Variants in MAF observed in about 807,000 individuals in gnomAD.
The protein encoded by MAF is MAF bZIP transcription factor, also known as transcription factor Maf.
Under a neutral mutation model 22.0 loss-of-function variants are expected in MAF, and 10 were observed. The ratio of observed to expected loss-of-function variants is 0.45; its 90% CI spans 0.28 to 0.77. The LOEUF (loss-of-function observed/expected upper bound fraction) is 0.77, where lower values mean the gene tolerates loss of function less well. MAF is among the 30% of genes least tolerant of loss of function. The pLI is 0.12. For synonymous variants in MAF, 337 were observed against 255.8 expected (o/e 1.32, Z -3.03); for missense variants, 544 against 548.4 (o/e 0.99, Z 0.08).
At chr16:79,341,246 G>T in the MAF span, among the ~76,000 whole-genome samples, 1 of 152,206 alleles carries the variant, frequency 6.6e-6, no homozygotes, top group Non-Finnish European at 1.5e-5. Flanking sequence ...AGGTGCTGGA[G>T]CCAGATGCCC....
chr16:79,351,838 T>C, the MAF span, among the ~76,000 whole-genome samples: 2 of 152,150 alleles, frequency 1.3e-5, no homozygotes, highest in Admixed American at 6.5e-5. Context: ...CTGGGAAATG[T>C]GGCAGCTTCA....
rs775799498 is a variant in MAF, at chr16:79,598,793, C to T, written c.1110G>A (p.Glu370=). 1 of 1,613,836 alleles carries T rather than the reference C, an allele frequency of 6.2e-7. No homozygotes were observed. Among genetic ancestry groups the T allele is most frequent in the Non-Finnish European group, 8.5e-7 (1 of 1,179,994 alleles). ...GSSSDNPSSP[E]FFITEPTRKL... is the part of the protein sequence containing the mutation. ...TCGCGTGTCAGACTCACATGAAAAA[C>T]TCGGGAGAGGACGGGTTGTCGCTGC... The change falls in exon 1 of 2, where the codon GAG becomes GAA. Residue 370 remains glutamate, a synonymous_variant. Transcript: ENST00000326043.
chr16:79,563,373 T>A, the MAF span, among the ~76,000 whole-genome samples: 1 of 152,144 alleles, frequency 6.6e-6, no homozygotes, highest in Non-Finnish European at 1.5e-5. Context: ...ATTTAAAAAC[T>A]GAAGCAGTGA....
chr16:79,398,173 C>G, the MAF span, among the ~76,000 whole-genome samples: 1 of 152,088 alleles, frequency 6.6e-6, no homozygotes, highest in South Asian at 2.1e-4. Flanking sequence ...CAAATCACTC[C>G]AACCTCTGCT....
chr16:79,540,718 G>T, the MAF span, among the ~76,000 whole-genome samples: 1 of 152,194 alleles, frequency 6.6e-6, no homozygotes, highest in African/African-American at 2.4e-5. Context: ...ATTTTGCGTG[G>T]CACAGGCTGG....
At chr16:79,206,816 C>T in the MAF span, 3 of 151,474 alleles carry the variant, frequency 2.0e-5, no homozygotes, top group Non-Finnish European at 4.4e-5. Context: ...CCAGGGAGGC[C>T]TATGAGCCTC....
chr16:79,526,205 G>A, the MAF span, among the ~76,000 whole-genome samples: 2 of 152,152 alleles, frequency 1.3e-5, no homozygotes, highest in African/African-American at 4.8e-5. Context: ...CGGTTTTGTG[G>A]AAGACAATTT....
chr16:79,577,809 G>T, the MAF span, among the ~76,000 whole-genome samples: 1 of 152,162 alleles, frequency 6.6e-6, no homozygotes, highest in African/African-American at 2.4e-5. Flanking sequence ...ATGGTGCAAT[G>T]CCCCAAAAAT....
chr16:79,351,777 C>T, the MAF span, among the ~76,000 whole-genome samples: 2 of 152,056 alleles, frequency 1.3e-5, no homozygotes, highest in Non-Finnish European at 2.9e-5. Flanking sequence ...AAGTGTCGGG[C>T]AGAAGCCTGG....
the MAF span, among the ~76,000 whole-genome samples, chr16:79,241,918 C>G: frequency 1.3e-5 from 2 of 151,942 alleles, no homozygotes; most frequent in Non-Finnish European, 2.9e-5. Context: ...AATTTTCAAC[C>G]CAGAATTTCA....
At chr16:79,562,664 G>T in the MAF span, among the ~76,000 whole-genome samples, 4 of 152,120 alleles carry the variant, frequency 2.6e-5, no homozygotes, top group Non-Finnish European at 5.9e-5. Flanking sequence ...GAAGTGCCAA[G>T]ATCTCTCTAA....
chr16:79,361,989 C>T, the MAF span, among the ~76,000 whole-genome samples: 3 of 152,232 alleles, frequency 2.0e-5, no homozygotes, highest in South Asian at 2.1e-4. Flanking sequence ...AGACAGAGAT[C>T]GTTAACCCCA....
the MAF span, among the ~76,000 whole-genome samples, chr16:79,397,778 C>A: frequency 6.6e-6 from 1 of 152,152 alleles, no homozygotes; most frequent in Non-Finnish European, 1.5e-5. Context: ...GCCCCCCTCC[C>A]CGGTGAAGAA....
At position 79,594,458 on chromosome 16, in the gene MAF, T is replaced by C; in HGVS notation, c.*2A>G. On this transcript the variant is annotated 3_prime_UTR_variant, in exon 2 of 2. Coordinates refer to ENST00000326043, the MANE Select transcript of MAF (RefSeq NM_005360.5). Reference sequence around the variant, plus strand: ...TTTTAATGTACAGCTCTCACACAAATTTCATTTTGTGAACACACTGGTAAG... The same window carrying C: ...TTTTAATGTACAGCTCTCACACAAACTTCATTTTGTGAACACACTGGTAAG... The C allele has an allele frequency of 6.4e-7, 1 of 1,555,584 alleles. No individual in the cohort carries two copies. The highest frequency in any genetic ancestry group is 8.7e-7 in the Non-Finnish European group (1 of 1,148,130).
the MAF span, among the ~76,000 whole-genome samples, chr16:79,563,046 G>C: frequency 6.6e-6 from 1 of 152,206 alleles, no homozygotes; most frequent in Non-Finnish European, 1.5e-5. Context: ...TCAAGTCAGT[G>C]TTACATCTAG....
At chr16:79,228,170 G>A in the MAF span, among the ~76,000 whole-genome samples, 8 of 152,106 alleles carry the variant, frequency 5.3e-5, no homozygotes, top group Non-Finnish European at 1.0e-4. Flanking sequence ...CCCAAAGGGA[G>A]GTTGGGATTA....
chr16:79,573,208 G>C, the MAF span, among the ~76,000 whole-genome samples: 17 of 152,202 alleles, frequency 1.1e-4, no homozygotes, highest in South Asian at 3.3e-3. Context: ...TCCCCACTTA[G>C]TGTTTTCATA....
At chr16:79,291,677 T>A in the MAF span, among the ~76,000 whole-genome samples, 1 of 150,684 alleles carries the variant, frequency 6.6e-6, no homozygotes. Context: ...TACCCATGAG[T>A]TATTGGGTAC....
chr16:79,367,273 A>G, the MAF span, among the ~76,000 whole-genome samples: 1 of 152,174 alleles, frequency 6.6e-6, no homozygotes, highest in Non-Finnish European at 1.5e-5. Context: ...TGGCTGCTCA[A>G]ATGATACCCT....
Sources: gnomAD v4.1 joint callset for allele counts (sites outside exome capture counted in the v4.1 genomes callset) on GRCh38, gnomAD v4.1.1 for gene constraint, MANE v1.5 for transcripts, NCBI Gene and HGNC (gene_info 2026-07-23, HGNC 2026-07-21) for gene names.